Variants in NLN observed in about 807,000 individuals in gnomAD.
The protein encoded by NLN is neurolysin.
NLN carries 64 observed loss-of-function variants against 79.9 expected under a neutral mutation model. The ratio of observed to expected loss-of-function variants is 0.80; its 90% CI spans 0.65 to 0.99. The LOEUF (loss-of-function observed/expected upper bound fraction) is 0.99, where lower values mean the gene tolerates loss of function less well. Among genes scored for constraint, NLN ranks in the 50% least tolerant of loss-of-function variants. The probability of loss-of-function intolerance (pLI) is 0.00; values close to 1 mark genes in which losing one functional copy is unlikely to be tolerated. For missense variants in NLN, 835 were observed against 858.7 expected (o/e 0.97, Z 0.34); for synonymous variants, 267 against 296.6 (o/e 0.90, Z 1.02).
intron 1 of NLN, among the ~76,000 whole-genome samples, chr5:65,751,290 A>G (rs1759095919): frequency 6.6e-6 from 1 of 152,228 alleles, no homozygotes; most frequent in Non-Finnish European, 1.5e-5. Flanking sequence ...TACATAATAT[A>G]GTTTCACTAT....
chr5:65,754,540 T>C (rs1026689381), intron 1 of NLN, among the ~76,000 whole-genome samples: 1 of 152,206 alleles, frequency 6.6e-6, no homozygotes, highest in Non-Finnish European at 1.5e-5. Flanking sequence ...ACTTCTCCAT[T>C]GTTATTTCTG....
rs2150782444 is a variant in NLN, at chr5:65,827,074, TA to T, written c.*4162del. ...GTATCAGCTGTATCAAGGCAAAAGG[TA>T]AAGGTTATAAGATGTAAATATTAGA... On this transcript the variant is annotated 3_prime_UTR_variant, in exon 13 of 13. Coordinates refer to ENST00000380985, the MANE Select transcript of NLN (RefSeq NM_020726.5). The T allele has an allele frequency of 6.6e-6, 1 of 151,688 alleles. No homozygotes were observed. The highest frequency in any genetic ancestry group is 2.1e-4 in the South Asian group (1 of 4,798). The allele number at this position is 151,688 out of a possible 1,614,324, so 9.4% of individuals were successfully genotyped here. A position where few individuals can be genotyped will look rare whatever the true frequency, so the allele number is the denominator to read the frequency against.
At chr5:65,781,625 T>C (rs141368591) in intron 6 of NLN, among the ~76,000 whole-genome samples, 1 of 152,322 alleles carries the variant, frequency 6.6e-6, no homozygotes, top group African/African-American at 2.4e-5. Flanking sequence ...TAAGCTGTTC[T>C]AATAAAAATA....
At chr5:65,820,845 C>T (rs1259063434) in intron 12 of NLN, among the ~76,000 whole-genome samples, 1 of 151,940 alleles carries the variant, frequency 6.6e-6, no homozygotes, top group African/African-American at 2.4e-5. Context: ...AGTTAGAGAC[C>T]AGCCTGGCCA....
intron 1 of NLN, among the ~76,000 whole-genome samples, chr5:65,758,290 G>A (rs939725898): frequency 3.3e-5 from 5 of 152,016 alleles, no homozygotes; most frequent in Non-Finnish European, 7.4e-5. Context: ...AATTATTATA[G>A]CTCCAACACC....
intron 1 of NLN, among the ~76,000 whole-genome samples, chr5:65,737,038 G>A (rs1025829611): frequency 4.6e-5 from 7 of 152,088 alleles, no homozygotes; most frequent in South Asian, 2.1e-4. Flanking sequence ...CTGGGAGGTC[G>A]AAGCTGCAGC....
In NLN at chr5:65,788,314, A is replaced by G; in HGVS notation, c.1155A>G (p.Pro385=). 1 of 1,614,058 alleles carries G rather than the reference A, an allele frequency of 6.2e-7. No individual in the cohort carries two copies. Residue 385 remains proline, a synonymous_variant, in exon 8 of 13, where the codon CCA becomes CCG. Coordinates refer to ENST00000380985, the MANE Select transcript of NLN (RefSeq NM_020726.5). ...IDQEFLKEYF[P]IEVVTEGLLN... The stretch of plus-strand genomic sequence containing the variant: ...AAGAGTTCCTCAAGGAATACTTCCC[A>G]ATTGAGGTGGTCACTGAAGGCTTGC...
At position 65,758,745 on chromosome 5, in the gene NLN, G is replaced by A; in HGVS notation, c.220G>A (p.Ala74Thr). Residue 74 changes from alanine (A) to threonine (T), a missense_variant, in exon 2 of 13, where the codon GCT becomes ACT. Physicochemically the swap from Ala to Thr is moderately conservative, Grantham distance 58. Transcript: ENST00000380985. Reference protein sequence around the residue: ...LIVQTKQVYDAVGMLGIEEVT... With the variant: ...LIVQTKQVYDTVGMLGIEEVT... ...TGTGCAGACCAAACAGGTGTACGAT[G>A]CTGTTGGAATGCTCGGTATTGAGGA... 1 of 1,613,562 alleles carries A rather than the reference G, an allele frequency of 6.2e-7. No individual in the cohort carries two copies.
chr5:65,773,885 A>G (rs796926098), intron 3 of NLN, among the ~76,000 whole-genome samples: 5 of 152,218 alleles, frequency 3.3e-5, no homozygotes, highest in African/African-American at 9.6e-5. Flanking sequence ...CAAGGCTGCA[A>G]TGAGCCATGA....
intron 1 of NLN, among the ~76,000 whole-genome samples, chr5:65,752,456 G>C (rs1452092808): frequency 6.6e-6 from 1 of 152,166 alleles, no homozygotes; most frequent in Non-Finnish European, 1.5e-5. Flanking sequence ...GAAAAGACAG[G>C]CTCATGCCGT....
At chr5:65,780,006 A>G (rs796083572) in intron 4 of NLN, 173 bp from the exon 5 acceptor site, 6 of 458,372 alleles carry the variant, frequency 1.3e-5, no homozygotes, top group African/African-American at 1.0e-4. Context: ...TTGTATTTTT[A>G]GTAGAGACTG....
intron 1 of NLN, among the ~76,000 whole-genome samples, chr5:65,746,425 A>G (rs1371264742): frequency 1.3e-5 from 2 of 152,196 alleles, no homozygotes; most frequent in African/African-American, 4.8e-5. Flanking sequence ...TGTCTGTTGC[A>G]TTTAGTAGAA....
intron 1 of NLN, chr5:65,732,922 G>C: frequency 2.0e-6 from 1 of 503,072 alleles, no homozygotes; most frequent in Non-Finnish European, 3.7e-6. Context: ...CTGATGATGG[G>C]AACAAACTTG....
intron 1 of NLN, among the ~76,000 whole-genome samples, chr5:65,727,899 T>G (rs1435654915): frequency 1.3e-5 from 2 of 152,170 alleles, no homozygotes; most frequent in Non-Finnish European, 2.9e-5. Flanking sequence ...CCTGAGTGGC[T>G]GGGATTACAG....
At chr5:65,746,006 T>G (rs1447603671) in intron 1 of NLN, among the ~76,000 whole-genome samples, 2 of 152,218 alleles carry the variant, frequency 1.3e-5, no homozygotes, top group African/African-American at 4.8e-5. Flanking sequence ...AGGTGACCAT[T>G]GACATCCAAG....
intron 1 of NLN, chr5:65,722,903 C>CT (rs1303294898): frequency 6.5e-6 from 1 of 153,502 alleles, no homozygotes; most frequent in Non-Finnish European, 1.5e-5. Context: ...CTCTGACTTC[C>CT]TTTTTTATTT....
At chr5:65,754,435 G>T (rs1759175154) in intron 1 of NLN, among the ~76,000 whole-genome samples, 2 of 152,138 alleles carry the variant, frequency 1.3e-5, no homozygotes, top group East Asian at 3.9e-4. Flanking sequence ...TATGTTGGGG[G>T]TGTATGAGTG....
At chr5:65,820,457 C>T (rs1734216567) in intron 12 of NLN, among the ~76,000 whole-genome samples, 1 of 152,110 alleles carries the variant, frequency 6.6e-6, no homozygotes, top group Non-Finnish European at 1.5e-5. Context: ...ACATTGTCTG[C>T]GTTCTTCCTG....
At chr5:65,751,840 T>TGA (rs1759109239) in intron 1 of NLN, among the ~76,000 whole-genome samples, 3 of 152,120 alleles carry the variant, frequency 2.0e-5, no homozygotes, top group African/African-American at 7.3e-5. Context: ...AACACTATTA[T>TGA]TATGATGATG....
Sources: allele counts gnomAD v4.1 joint callset (sites outside exome capture counted in the v4.1 genomes callset), GRCh38; gene constraint gnomAD v4.1.1; transcripts MANE v1.5; gene names NCBI Gene and HGNC (gene_info 2026-07-23, HGNC 2026-07-21).